NPL: variants seen among roughly 807,000 people sequenced by gnomAD.
NPL encodes N-acetylneuraminate lyase.
A neutral mutation model predicts 41.1 loss-of-function variants in NPL; 32 were observed. The ratio of observed to expected loss-of-function variants is 0.78; its 90% CI spans 0.59 to 1.05. The LOEUF (loss-of-function observed/expected upper bound fraction) is 1.05. Among genes scored for constraint, NPL ranks in the 50% least tolerant of loss-of-function variants. NPL has a pLI of 0.00. For synonymous variants in NPL, 128 were observed against 134.9 expected (o/e 0.95, Z 0.35); for missense variants, 321 against 378.4 (o/e 0.85, Z 1.26).
chr1:182,827,618 A>AT lies in NPL; in HGVS notation c.779-1105dup, dbSNP rs1457647648. ...TACTGTTTGATTTCCCTAAATATAT[A>AT]TATTTTTTTCAGTATTTCTTGTTGT... On this transcript the variant is annotated intron_variant, in intron 12 of 12. Coordinates refer to ENST00000367553, the MANE Select transcript of NPL (RefSeq NM_030769.3). 5.8e-3 allele frequency among the ~76,000 whole-genome samples: 877 copies of AT among 152,094 alleles called. 12 individuals are homozygous for AT. Among genetic ancestry groups the AT allele is most frequent in the African/African-American group, 0.019 (775 of 41,460 alleles).
At chr1:182,790,731 C>A (rs1017889205) in intron 1 of NPL, among the ~76,000 whole-genome samples, 1 of 152,168 alleles carries the variant, frequency 6.6e-6, no homozygotes, top group Non-Finnish European at 1.5e-5. Context: ...GCAAGCTCCA[C>A]CTCCCAGGTT....
chr1:182,790,231 G>C (rs1666462157), intron 1 of NPL, among the ~76,000 whole-genome samples: 1 of 152,040 alleles, frequency 6.6e-6, no homozygotes, highest in Non-Finnish European at 1.5e-5. Context: ...GATATTCTCT[G>C]CCCAGAGGTA....
intron 5 of NPL, among the ~76,000 whole-genome samples, chr1:182,811,926 C>A (rs999935585): frequency 5.9e-5 from 9 of 152,148 alleles, no homozygotes; most frequent in African/African-American, 2.2e-4. Context: ...TAGGCACAGT[C>A]AAATCACAAC....
chr1:182,826,957 C>T (rs1317424006), intron 12 of NPL: 1 of 152,122 alleles, frequency 6.6e-6, no homozygotes, highest in Non-Finnish European at 1.5e-5. Flanking sequence ...AAGAGATAAA[C>T]AGTAACTAAT....
chr1:182,822,688 G>T (rs1468222047), intron 11 of NPL, among the ~76,000 whole-genome samples: 1 of 152,194 alleles, frequency 6.6e-6, no homozygotes, highest in Non-Finnish European at 1.5e-5. Context: ...GGAAATAAGA[G>T]CCTAGTGGGT....
intron 5 of NPL, among the ~76,000 whole-genome samples, chr1:182,809,672 T>C (rs1667123202): frequency 6.6e-6 from 1 of 152,106 alleles, no homozygotes; most frequent in Non-Finnish European, 1.5e-5. Flanking sequence ...TCTGGGACTC[T>C]AGGACATCTG....
Position 182,807,295 on chromosome 1 carries a change from T to TA in NPL, c.230+1072dup, listed in dbSNP as rs1374581067. 2.9e-4 allele frequency among the ~76,000 whole-genome samples: 44 copies of TA among 150,452 alleles called. 1 individual carries two copies. The highest frequency in any genetic ancestry group is 1.5e-3 in the South Asian group (7 of 4,768). ...CACCCCAACCCTTCTGATGAATGTATAAAAAAAAAGGGAGTAATTGACGTT... is the reference window on the plus strand; with the variant it reads ...CACCCCAACCCTTCTGATGAATGTATAAAAAAAAAAGGGAGTAATTGACGTT... On this transcript the variant is annotated intron_variant, in intron 5 of 12. Coordinates refer to ENST00000367553, the MANE Select transcript of NPL (RefSeq NM_030769.3).
chr1:182,809,217 C>T (rs1444677204), intron 5 of NPL: 3 of 452,884 alleles, frequency 6.6e-6, no homozygotes, highest in Non-Finnish European at 1.3e-5. Context: ...ACCATCCGCA[C>T]AACCCAAAGT....
Position 182,822,111 on chromosome 1 carries a change from C to T in NPL, c.654-4C>T, listed in dbSNP as rs1309335256. 6.3e-7 allele frequency: 1 copy of T among 1,596,414 alleles called. No individual in the cohort carries two copies. Among genetic ancestry groups the T allele is most frequent in the South Asian group, 1.1e-5 (1 of 90,722 alleles). On this transcript the variant is annotated splice_region_variant and splice_polypyrimidine_tract_variant and intron_variant, in intron 10 of 12. Coordinates refer to ENST00000367553, the MANE Select transcript of NPL (RefSeq NM_030769.3). Reference sequence around the variant, plus strand: ...ACCTGCAGTATTTGTTATTGTCTTGCCAGTACCTATAACTACCTGGGAAAA... The same window carrying T: ...ACCTGCAGTATTTGTTATTGTCTTGTCAGTACCTATAACTACCTGGGAAAA...
rs187228482 is a variant in NPL, at chr1:182,796,976, G to A, written c.68+2537G>A. On this transcript the variant is annotated intron_variant, in intron 3 of 12. Coordinates refer to ENST00000367553, the MANE Select transcript of NPL (RefSeq NM_030769.3). ...CTTGAACCTGGGATGCAGAGGTTGC[G>A]GTGAGCCAAGATCATTCCACTGCAC... Among the ~76,000 whole-genome samples the A allele has an allele frequency of 1.3e-3, 202 of 149,880 alleles. 1 individual carries two copies. Among genetic ancestry groups the A allele is most frequent in the African/African-American group, 4.9e-3 (195 of 40,026 alleles).
rs1667189551 is a variant in NPL at position 182,812,043 on chromosome 1, G to A, written c.231-113G>A. ...AATATATTGCTATAGAACTTAATAA[G>A]TGAGATTAATAAGGCATCAGTTAAC... On this transcript the variant is annotated intron_variant, in intron 5 of 12. Transcript: ENST00000367553. 4 of 956,288 alleles carry A rather than the reference G, an allele frequency of 4.2e-6. No homozygotes were observed. In the Admixed American group the frequency reaches 5.3e-5, roughly 13 times the overall value. The allele number at this position is 956,288 out of a possible 1,614,324, so 59.2% of individuals were successfully genotyped here.
intron 1 of NPL, 100 bp from the exon 2 acceptor site, chr1:182,792,132 T>TGGAGAG (rs2102522172): frequency 6.6e-6 from 1 of 152,374 alleles, no homozygotes; most frequent in African/African-American, 2.4e-5. Flanking sequence ...GAACACGTAC[T>TGGAGAG]CACTATGTGC....
intron 3 of NPL, among the ~76,000 whole-genome samples, chr1:182,797,127 C>T (rs1666696351): frequency 6.6e-6 from 1 of 151,886 alleles, no homozygotes; most frequent in East Asian, 1.9e-4. Context: ...AGTCTGCAGT[C>T]CTCTCATGTC....
chr1:182,794,305 A>T, intron 2 of NPL, 51 bp from the exon 3 acceptor site: 1 of 1,487,908 alleles, frequency 6.7e-7, no homozygotes, highest in Non-Finnish European at 9.4e-7. Flanking sequence ...TGGGAGTTTT[A>T]TCATTGACAT....
chr1:182,806,373 CG>C, intron 5 of NPL, 141 bp downstream of exon 5: 1 of 1,548,204 alleles, frequency 6.5e-7, no homozygotes. Flanking sequence ...GCAGGGCCCC[CG>C]GGATCCTGGC....
intron 1 of NPL, among the ~76,000 whole-genome samples, chr1:182,790,827 G>A (rs941162069): frequency 3.9e-5 from 6 of 152,184 alleles, no homozygotes; most frequent in South Asian, 2.1e-4. Flanking sequence ...ATTTTTAGTA[G>A]AGACGGGGTT....
chr1:182,830,382 CT>C lies in NPL; in HGVS notation c.*1475del, dbSNP rs1421202788. Reference sequence around the variant, plus strand: ...ATCCAATAAACAAAGAACTATTTTTCTATTTTTGCTTTTGTGAAGTCAATGC... The same window carrying C: ...ATCCAATAAACAAAGAACTATTTTTCATTTTTGCTTTTGTGAAGTCAATGC... On this transcript the variant is annotated 3_prime_UTR_variant, in exon 13 of 13. Transcript: ENST00000367553. The C allele has an allele frequency of 4.6e-5, 7 of 152,136 alleles. No homozygotes were observed. Among genetic ancestry groups the C allele is most frequent in the African/African-American group, 1.7e-4 (7 of 41,416 alleles). 9.4% of individuals were successfully genotyped at this position (152,136 alleles called of 1,614,324 possible).
At chr1:182,805,485 G>T (rs534282639) in intron 4 of NPL, among the ~76,000 whole-genome samples, 1 of 152,266 alleles carries the variant, frequency 6.6e-6, no homozygotes, top group South Asian at 2.1e-4. Context: ...GAGGAAAGAT[G>T]ATGAGTTTTG....
chr1:182,795,836 A>G (rs1666646826), intron 3 of NPL: 1 of 152,190 alleles, frequency 6.6e-6, no homozygotes, highest in African/African-American at 2.4e-5. Context: ...ACTTCCTGTT[A>G]CAGAGTGAGA....
Sources: gnomAD v4.1 joint callset for allele counts (sites outside exome capture counted in the v4.1 genomes callset) on GRCh38, gnomAD v4.1.1 for gene constraint, MANE v1.5 for transcripts, NCBI Gene and HGNC (gene_info 2026-07-23, HGNC 2026-07-21) for gene names.